DIP2C: variants seen among roughly 807,000 people sequenced by gnomAD.
DIP2C encodes DIP2 acetate--CoA ligase C (putative).
A neutral mutation model predicts 192.4 loss-of-function variants in DIP2C; 33 were observed. The observed-to-expected ratio is 0.17, with a 90% CI of 0.13 to 0.23. The LOEUF (loss-of-function observed/expected upper bound fraction) is 0.23. DIP2C is among the 10% of genes least tolerant of loss of function. DIP2C has a pLI of 1.00. For synonymous variants in DIP2C, 979 were observed against 864.1 expected (o/e 1.13, Z -2.33); for missense variants, 1,537 against 2,110.1 (o/e 0.73, Z 5.32).
intron 3 of DIP2C, among the ~76,000 whole-genome samples, chr10:457,205 G>A (rs1969373599): frequency 6.6e-6 from 1 of 152,160 alleles, no homozygotes; most frequent in African/African-American, 2.4e-5. Context: ...GAAGCTACAA[G>A]TCTATGCATC....
chr10:635,774 A>C (rs1382677813), intron 1 of DIP2C, among the ~76,000 whole-genome samples: 1 of 152,174 alleles, frequency 6.6e-6, no homozygotes, highest in Non-Finnish European at 1.5e-5. Flanking sequence ...GCAGTCAGGG[A>C]GGCGAGGGCA....
chr10:541,230 G>A lies in DIP2C; in HGVS notation c.86-54700C>T, dbSNP rs922113779. On this transcript the variant is annotated intron_variant, in intron 1 of 36. Transcript: ENST00000280886. The stretch of plus-strand genomic sequence containing the variant: ...GACCCTGAGTCCGGCCACCACCGCC[G>A]ACATCCACTCTGGCTGAGGTGTCCT... 4.6e-5 allele frequency among the ~76,000 whole-genome samples: 7 copies of A among 152,272 alleles called. No homozygotes were observed. In the East Asian group the frequency reaches 7.7e-4, roughly 17 times the overall value.
At chr10:500,941 C>T (rs755683479) in intron 1 of DIP2C, among the ~76,000 whole-genome samples, 2 of 152,136 alleles carry the variant, frequency 1.3e-5, no homozygotes, top group African/African-American at 4.8e-5. Context: ...CCCAAAAAGG[C>T]TTGTAGTTAA....
chr10:596,027 T>C (rs780069305), intron 1 of DIP2C, among the ~76,000 whole-genome samples: 6 of 152,200 alleles, frequency 3.9e-5, no homozygotes, highest in African/African-American at 7.2e-5. Flanking sequence ...TGACTGCCTG[T>C]GCTCAGACCC....
At chr10:361,017 G>T (rs187089732) in intron 22 of DIP2C, among the ~76,000 whole-genome samples, 120 of 152,240 alleles carry the variant, frequency 7.9e-4, no homozygotes, top group Non-Finnish European at 1.5e-3. Flanking sequence ...CTGGGGCCCC[G>T]GGGCAGGGGA....
chr10:603,813 C>CA (rs1410381673), intron 1 of DIP2C, among the ~76,000 whole-genome samples: 1 of 152,232 alleles, frequency 6.6e-6, no homozygotes, highest in Non-Finnish European at 1.5e-5. Context: ...GGGCTGAAGT[C>CA]AAGGGGTCAG....
chr10:674,789 TAGAGAG>T (rs1554772102), intron 1 of DIP2C, among the ~76,000 whole-genome samples: 40 of 62,482 alleles, frequency 6.4e-4, no homozygotes, highest in Middle Eastern at 9.1e-3. Context: ...TATATATATA[TAGAGAG>T]AGAGAGAGAG....
intron 32 of DIP2C, among the ~76,000 whole-genome samples, chr10:300,820 G>T (rs956921687): frequency 6.7e-6 from 1 of 148,604 alleles, no homozygotes; most frequent in Admixed American, 6.7e-5. Flanking sequence ...GGCCCTGAGC[G>T]TGTGGAGAAA....
rs138832020 is a variant in DIP2C, at chr10:327,069, G to C, written c.3861C>G (p.Gly1287=). 8.7e-6 allele frequency: 14 copies of C among 1,614,046 alleles called. No individual in the cohort carries two copies. The East Asian group carries it at 1.6e-4, about 18-fold the overall frequency. Residue 1287 remains glycine (G), a synonymous_variant, in exon 31 of 37, where the codon GGC becomes GGG. Transcript: ENST00000280886. The part of the protein sequence containing the change: ...QSFSKLFKDL[G]LHPRAVSTSF... The stretch of plus-strand genomic sequence containing the variant: ...AGGTGCTGACGGCCCGCGGGTGAAG[G>C]CCCAGGTCCTTAAACAGCTTTGAGA...
chr10:350,632 ATTTTTTTTT>A (rs56171130), intron 24 of DIP2C, among the ~76,000 whole-genome samples: 24 of 84,228 alleles, frequency 2.8e-4, no homozygotes, highest in African/African-American at 1.1e-3. Context: ...GGGCTCAGGA[ATTTTTTTTT>A]TTTTTTTTTT....
chr10:564,200 G>A lies in DIP2C; in HGVS notation c.86-77670C>T, dbSNP rs186353313. On this transcript the variant is annotated intron_variant, in intron 1 of 36. Transcript: ENST00000280886. ...TCTCATTACTCACTAGCAGGCCCTC[G>A]GGGGAGAACGTTCCCCCCACCCCCG... 5.9e-4 allele frequency among the ~76,000 whole-genome samples: 90 copies of A among 152,142 alleles called. 1 individual carries two copies. The highest frequency in any genetic ancestry group is 1.9e-3 in the African/African-American group (79 of 41,486).
chr10:381,461 G>A (rs989815314), intron 17 of DIP2C, among the ~76,000 whole-genome samples: 1 of 152,166 alleles, frequency 6.6e-6, no homozygotes, highest in Non-Finnish European at 1.5e-5. Flanking sequence ...TCAGAAAAGT[G>A]GCACACCAGA....
intron 17 of DIP2C, among the ~76,000 whole-genome samples, chr10:379,730 C>G (rs370341902): frequency 6.6e-6 from 1 of 152,260 alleles, no homozygotes; most frequent in Admixed American, 6.5e-5. Flanking sequence ...TGCAGATAAT[C>G]GTTATCCTTT....
chr10:498,398 G>A (rs1371855812), intron 1 of DIP2C, among the ~76,000 whole-genome samples: 1 of 152,138 alleles, frequency 6.6e-6, no homozygotes, highest in Non-Finnish European at 1.5e-5. Context: ...ACACCTGAGT[G>A]AACTAATTCC....
chr10:346,587 ACT>A (rs1276399505), intron 26 of DIP2C, among the ~76,000 whole-genome samples: 15 of 133,022 alleles, frequency 1.1e-4, no homozygotes, highest in Non-Finnish European at 1.9e-4. Context: ...GAAACCCCAC[ACT>A]CACCCAACCC....
intron 1 of DIP2C, among the ~76,000 whole-genome samples, chr10:607,656 C>T (rs913784391): frequency 6.6e-6 from 1 of 152,102 alleles, no homozygotes; most frequent in Non-Finnish European, 1.5e-5. Context: ...CCCATCTCGG[C>T]CCAAACGATG....
chr10:377,624 G>C (rs1161047242), intron 17 of DIP2C, among the ~76,000 whole-genome samples: 1 of 152,200 alleles, frequency 6.6e-6, no homozygotes, highest in Non-Finnish European at 1.5e-5. Context: ...CGAGCAGTGG[G>C]AAGTGCTCAC....
At chr10:597,860 C>G (rs1318209185) in intron 1 of DIP2C, among the ~76,000 whole-genome samples, 1 of 152,140 alleles carries the variant, frequency 6.6e-6, no homozygotes, top group Non-Finnish European at 1.5e-5. Context: ...CCTTTCCTGG[C>G]TATTTATGGA....
chr10:588,218 T>C (rs1214151612), intron 1 of DIP2C, among the ~76,000 whole-genome samples: 2 of 149,114 alleles, frequency 1.3e-5, no homozygotes, highest in African/African-American at 5.0e-5. Context: ...GCCTCAGCCC[T>C]GACCCTGCGG....
Sources: allele counts gnomAD v4.1 joint callset (sites outside exome capture counted in the v4.1 genomes callset), GRCh38; gene constraint gnomAD v4.1.1; transcripts MANE v1.5; gene names NCBI Gene and HGNC (gene_info 2026-07-23, HGNC 2026-07-21).